RRAS2: variants seen among roughly 807,000 people sequenced by gnomAD.
The protein encoded by RRAS2 is ras-related protein R-Ras2.
A neutral mutation model predicts 27.6 loss-of-function variants in RRAS2; 7 were observed. The observed-to-expected ratio is 0.25, with a 90% CI of 0.14 to 0.48. The LOEUF (loss-of-function observed/expected upper bound fraction) is 0.48, where lower values mean the gene tolerates loss of function less well. Ranked by LOEUF, RRAS2 falls within the 20% of genes least tolerant of loss-of-function variation. The probability of loss-of-function intolerance (pLI) is 0.99; values close to 1 mark genes in which losing one functional copy is unlikely to be tolerated. For missense variants in RRAS2, 178 were observed against 256.2 expected (o/e 0.69, Z 2.08); for synonymous variants, 86 against 90.9 (o/e 0.95, Z 0.31).
chr11:14,291,755 T>C (rs921241561), intron 4 of RRAS2, among the ~76,000 whole-genome samples: 3 of 151,930 alleles, frequency 2.0e-5, no homozygotes, highest in African/African-American at 7.3e-5. Flanking sequence ...TGCCACAATA[T>C]GTTGACTGTC....
chr11:14,312,248 G>A (rs1294038499), intron 1 of RRAS2, among the ~76,000 whole-genome samples: 1 of 152,140 alleles, frequency 6.6e-6, no homozygotes, highest in Non-Finnish European at 1.5e-5. Context: ...TCACAGCATA[G>A]CAAACAGCCA....
intron 1 of RRAS2, among the ~76,000 whole-genome samples, chr11:14,308,486 A>T (rs1470161169): frequency 6.6e-6 from 1 of 152,156 alleles, no homozygotes; most frequent in Non-Finnish European, 1.5e-5. Context: ...GACTCTTTCC[A>T]GCTATATAAT....
intron 1 of RRAS2, among the ~76,000 whole-genome samples, chr11:14,321,508 C>T (rs1426237677): frequency 6.6e-6 from 1 of 152,130 alleles, no homozygotes; most frequent in Non-Finnish European, 1.5e-5. Flanking sequence ...GTTTGATCAT[C>T]CAGGAGCAAG....
At chr11:14,361,591 G>A (rs1045028010), upstream of RRAS2, among the ~76,000 whole-genome samples, 1 of 152,202 alleles carries the variant, frequency 6.6e-6, no homozygotes, top group Non-Finnish European at 1.5e-5. Flanking sequence ...TAAAAAGACA[G>A]GTAAGTGTTG....
At chr11:14,339,036 T>C (rs1848643968) in intron 1 of RRAS2, among the ~76,000 whole-genome samples, 1 of 152,104 alleles carries the variant, frequency 6.6e-6, no homozygotes. Flanking sequence ...TCTGACCTTC[T>C]AGAAATCAGG....
At chr11:14,355,291 TAG>T (rs1201333916) in intron 1 of RRAS2, among the ~76,000 whole-genome samples, 2 of 152,104 alleles carry the variant, frequency 1.3e-5, no homozygotes, top group African/African-American at 2.4e-5. Context: ...GTCACCTGGG[TAG>T]AGAGACATAG....
At chr11:14,299,786 G>A (rs1260327191) in intron 1 of RRAS2, among the ~76,000 whole-genome samples, 6 of 152,200 alleles carry the variant, frequency 3.9e-5, no homozygotes, top group African/African-American at 2.4e-5. Context: ...GGGGGCAAGA[G>A]AAGGATTGGG....
intron 1 of RRAS2, among the ~76,000 whole-genome samples, chr11:14,328,366 C>CAAAAAAAAAAAAAAAA (rs71041596): frequency 1.5e-5 from 1 of 67,716 alleles, no homozygotes; most frequent in African/African-American, 6.2e-5. Context: ...AACTCCAACT[C>CAAAAAAAAAAAAAAAA]AAAAAAAAAA....
At chr11:14,291,047 C>A (rs1849800290) in intron 4 of RRAS2, among the ~76,000 whole-genome samples, 1 of 152,124 alleles carries the variant, frequency 6.6e-6, no homozygotes, top group African/African-American at 2.4e-5. Flanking sequence ...TGATCATAGA[C>A]AGATGAACAG....
chr11:14,342,494 C>T (rs1848734319), intron 1 of RRAS2, among the ~76,000 whole-genome samples: 1 of 152,064 alleles, frequency 6.6e-6, no homozygotes, highest in Non-Finnish European at 1.5e-5. Flanking sequence ...TCATAGGTAC[C>T]TGCTCCTAAT....
chr11:14,359,128 G>A lies in RRAS2; in HGVS notation c.-258C>T. 9.6e-7 allele frequency: 1 copy of A among 1,041,540 alleles called. No homozygotes were observed. Among genetic ancestry groups the A allele is most frequent in the Non-Finnish European group, 1.2e-6 (1 of 867,342 alleles). The allele number at this position is 1,041,540 out of a possible 1,614,324, so 64.5% of individuals were successfully genotyped here. On this transcript the variant is annotated 5_prime_UTR_variant, in exon 1 of 6. Transcript: ENST00000256196. ...GCGGCCGGGGGGCGCGCTCCTCTAC[G>A]CGTCTCCGCAGCGCCTGCCGAACGC...
chr11:14,340,459 C>CA (rs144418976), intron 1 of RRAS2, among the ~76,000 whole-genome samples: 3 of 151,882 alleles, frequency 2.0e-5, no homozygotes, highest in East Asian at 1.9e-4. Context: ...GCCCTTTACA[C>CA]AAAAAAGTTT....
At chr11:14,293,543 T>G (rs1429700969) in intron 4 of RRAS2, among the ~76,000 whole-genome samples, 1 of 151,956 alleles carries the variant, frequency 6.6e-6, no homozygotes, top group Non-Finnish European at 1.5e-5. Context: ...TGGACATAAT[T>G]GAATCATCCG....
rs551774554 is a variant in RRAS2 at position 14,298,878 on chromosome 11, C to T, written c.109-3023G>A. 3.3e-5 allele frequency among the ~76,000 whole-genome samples: 5 copies of T among 152,310 alleles called. No individual in the cohort carries two copies. The South Asian group carries it at 8.3e-4, about 25-fold the overall frequency. ...GTGCAGGTAACAAATACAGGCATCA[C>T]CTCTCACCAAAAAGGCAACATTTTT... On this transcript the variant is annotated intron_variant, in intron 1 of 5. Transcript: ENST00000256196.
At chr11:14,296,816 A>G (rs1554946701) in intron 1 of RRAS2, among the ~76,000 whole-genome samples, 1 of 152,006 alleles carries the variant, frequency 6.6e-6, no homozygotes, top group African/African-American at 2.4e-5. Context: ...CGAAGTCATT[A>G]CCATAAAAAA....
chr11:14,326,723 C>T (rs1425587387), intron 1 of RRAS2, among the ~76,000 whole-genome samples: 2 of 152,150 alleles, frequency 1.3e-5, no homozygotes, highest in African/African-American at 4.8e-5. Flanking sequence ...TATCTTAAAT[C>T]ACTTATAACA....
At chr11:14,284,469 C>T (rs1849613587) in intron 4 of RRAS2, among the ~76,000 whole-genome samples, 1 of 152,162 alleles carries the variant, frequency 6.6e-6, no homozygotes, top group African/African-American at 2.4e-5. Context: ...GTGCATTCTA[C>T]TGTTGTTGGG....
chr11:14,319,524 A>T (rs1203992918), intron 1 of RRAS2, among the ~76,000 whole-genome samples: 3 of 150,468 alleles, frequency 2.0e-5, no homozygotes, highest in African/African-American at 7.3e-5. Context: ...GCGCCCGGCT[A>T]ATTTTTTGTA....
At chr11:14,286,027 A>T (rs1176036276) in intron 4 of RRAS2, among the ~76,000 whole-genome samples, 1 of 152,204 alleles carries the variant, frequency 6.6e-6, no homozygotes. Context: ...AATCCCATCC[A>T]GTGCATTTTT....
Sources: gnomAD v4.1 joint callset for allele counts (sites outside exome capture counted in the v4.1 genomes callset) on GRCh38, gnomAD v4.1.1 for gene constraint, MANE v1.5 for transcripts, NCBI Gene and HGNC (gene_info 2026-07-23, HGNC 2026-07-21) for gene names.